The following TECPR2 variants were observed in gnomAD, a reference collection of about 807,000 sequenced individuals.
TECPR2 encodes tectonin beta-propeller repeat containing 2.
A neutral mutation model predicts 138.1 loss-of-function variants in TECPR2; 65 were observed. The observed-to-expected ratio is 0.47, with a 90% confidence interval of 0.39 to 0.58. The LOEUF is 0.58. Ranked by LOEUF, TECPR2 falls within the 20% of genes least tolerant of loss-of-function variation. The pLI, the probability that TECPR2 is intolerant of heterozygous loss-of-function variation, is 0.00. For synonymous variants in TECPR2, 746 were observed against 749.8 expected, an observed-to-expected ratio of 0.99 and a Z score of 0.08; for missense variants, 1,553 against 1,824.5, an observed-to-expected ratio of 0.85 and a Z score of 2.71.
intron 14 of TECPR2, among the ~76,000 whole-genome samples, chr14:102,450,147 A>G (rs1029715918): frequency 2.0e-5 from 3 of 152,172 alleles, no homozygotes; most frequent in Non-Finnish European, 4.4e-5. Context: ...TATGTTAACA[A>G]TTTCACATTT....
At chr14:102,386,086 T>G (rs1187784286) in intron 2 of TECPR2, among the ~76,000 whole-genome samples, 1 of 152,172 alleles carries the variant, frequency 6.6e-6, no homozygotes, top group African/African-American at 2.4e-5. Flanking sequence ...CCATACTTGG[T>G]AGCCCTGAGT....
intron 17 of TECPR2, among the ~76,000 whole-genome samples, chr14:102,470,084 C>G (rs1890625046): frequency 6.6e-6 from 1 of 152,086 alleles, no homozygotes; most frequent in South Asian, 2.1e-4. Context: ...GATTTGGTAT[C>G]AAGGTAATGC....
chr14:102,434,205 C>G (rs756841022), intron 8 of TECPR2, 30 bp from the exon 9 acceptor site: 1 of 1,343,858 alleles, frequency 7.4e-7, no homozygotes, highest in African/African-American at 1.5e-5. Context: ...AGAACCGTGC[C>G]TTATTTTGAA....
chr14:102,393,056 A>G (rs898588105), intron 2 of TECPR2, among the ~76,000 whole-genome samples: 6 of 152,118 alleles, frequency 3.9e-5, no homozygotes, highest in African/African-American at 1.4e-4. Flanking sequence ...TTGGCAGAGA[A>G]TATCAGCTCC....
chr14:102,497,784 C>CG, intron 19 of TECPR2, 65 bp downstream of exon 19: 2 of 1,486,604 alleles, frequency 1.3e-6, no homozygotes, highest in Non-Finnish European at 1.8e-6. Flanking sequence ...TGGACGATGT[C>CG]GGGGGGCTCT....
chr14:102,392,336 C>G, intron 2 of TECPR2, among the ~76,000 whole-genome samples: 1 of 152,128 alleles, frequency 6.6e-6, no homozygotes, highest in South Asian at 2.1e-4. Flanking sequence ...GTTCTCTCTT[C>G]TATGTCTCTA....
At chr14:102,386,150 G>A (rs950655085) in intron 2 of TECPR2, among the ~76,000 whole-genome samples, 4 of 151,934 alleles carry the variant, frequency 2.6e-5, no homozygotes, top group Admixed American at 6.6e-5. Flanking sequence ...ACTTATAATT[G>A]TGGAGAATCA....
chr14:102,431,932 G>A lies in TECPR2; in HGVS notation c.1221G>A (p.Arg407=). 6.2e-7 allele frequency: 1 copy of A among 1,612,428 alleles called. No individual in the cohort carries two copies. The highest frequency in any genetic ancestry group is 8.5e-7 in the Non-Finnish European group (1 of 1,179,002). ...CCAGCTCCGTGGCCAGCGAGCCAAGGAGCAGGAGCAGCTCGCTCAACTCCA... is the reference window on the plus strand; with the variant it reads ...CCAGCTCCGTGGCCAGCGAGCCAAGAAGCAGGAGCAGCTCGCTCAACTCCA... The part of the protein sequence containing the change: ...SMASSVASEP[R]SRSSSLNSTD... The change falls in exon 8 of 20, where the codon AGG becomes AGA. Residue 407 remains arginine, a synonymous_variant. Coordinates refer to ENST00000359520, the MANE Select transcript of TECPR2 (RefSeq NM_014844.5).
Position 102,498,680 on chromosome 14 carries a change from G to A in TECPR2, c.*423G>A, listed in dbSNP as rs1003842138. On this transcript the variant is annotated 3_prime_UTR_variant, in exon 20 of 20. Coordinates refer to ENST00000359520, the MANE Select transcript of TECPR2 (RefSeq NM_014844.5). ...AGCCCCAGGGCCAGATGGAGCCAAA[G>A]GTCAGCTCTCTGCAGCGCGGGATGT... is the stretch of plus-strand genomic sequence containing the variant. The A allele has an allele frequency of 2.4e-4, 99 of 405,392 alleles. 1 individual carries two copies. In the Middle Eastern group the frequency reaches 3.4e-3, roughly 14 times the overall value. 25.1% of individuals were successfully genotyped at this position (405,392 alleles called of 1,614,324 possible).
chr14:102,413,323 T>C (rs1312773870), intron 4 of TECPR2, among the ~76,000 whole-genome samples: 5 of 151,084 alleles, frequency 3.3e-5, no homozygotes, highest in African/African-American at 1.2e-4. Context: ...ACTTTTCATA[T>C]ATATATTGGA....
At chr14:102,446,932 A>G (rs1889997502) in intron 13 of TECPR2, among the ~76,000 whole-genome samples, 1 of 152,204 alleles carries the variant, frequency 6.6e-6, no homozygotes, top group African/African-American at 2.4e-5. Flanking sequence ...CTGAGAAAAG[A>G]GCCCAGATAA....
At position 102,441,457 on chromosome 14, in the gene TECPR2, AC is replaced by A. The variant is rs753715187; in HGVS notation, c.2752+850del. Among the ~76,000 whole-genome samples the A allele has an allele frequency of 2.7e-5, 4 of 149,440 alleles. No individual in the cohort carries two copies. The East Asian group carries it at 8.2e-4, about 30-fold the overall frequency. ...TTTGGGAGGCCTAGACGAGCAGATC[AC>A]CTGAGGTCAGGAGTTCAAGACCAAC... On this transcript the variant is annotated intron_variant, in intron 11 of 19. Coordinates refer to ENST00000359520, the MANE Select transcript of TECPR2 (RefSeq NM_014844.5).
intron 5 of TECPR2, among the ~76,000 whole-genome samples, chr14:102,424,259 G>T (rs555949522): frequency 6.6e-6 from 1 of 152,178 alleles, no homozygotes; most frequent in Non-Finnish European, 1.5e-5. Flanking sequence ...CATAGAAAAG[G>T]TACCATAAAA....
At chr14:102,363,522 A>G (rs1276618110) in intron 1 of TECPR2, among the ~76,000 whole-genome samples, 1 of 150,558 alleles carries the variant, frequency 6.6e-6, no homozygotes. Flanking sequence ...CGTCCCTTAC[A>G]TCCGCCCACC....
In TECPR2 at chr14:102,414,862, CTTAGG is replaced by C. The variant is rs1209128631; in HGVS notation, c.638+71_638+75del. ...TGTTGTAGAAGGTGCTTTAGGGTTT[CTTAGG>C]TCTCCTGTTTGCCGGAGACCTCCTG... On this transcript the variant is annotated intron_variant, in intron 5 of 19. Transcript: ENST00000359520. 2.6e-6 allele frequency: 4 copies of C among 1,566,300 alleles called. No individual in the cohort carries two copies. In the African/African-American group the frequency reaches 5.5e-5, roughly 21 times the overall value.
intron 1 of TECPR2, among the ~76,000 whole-genome samples, chr14:102,369,505 C>CA (rs1181965183): frequency 6.6e-6 from 1 of 152,086 alleles, no homozygotes; most frequent in Non-Finnish European, 1.5e-5. Context: ...CCTCCAGGTT[C>CA]AGTCGATCCT....
intron 9 of TECPR2, among the ~76,000 whole-genome samples, chr14:102,435,846 T>A (rs902824177): frequency 7.2e-5 from 11 of 152,238 alleles, no homozygotes; most frequent in Non-Finnish European, 7.3e-5. Context: ...GTGATTTTTT[T>A]AAAAGTGCCT....
intron 2 of TECPR2, among the ~76,000 whole-genome samples, chr14:102,389,270 G>A (rs536415313): frequency 9.2e-5 from 14 of 152,292 alleles, no homozygotes; most frequent in South Asian, 4.1e-4. Context: ...AGGTTGCAGT[G>A]AGCCGAGATT....
At chr14:102,450,713 C>G (rs1890117373) in intron 15 of TECPR2, 64 bp downstream of exon 15, 2 of 1,532,580 alleles carry the variant, frequency 1.3e-6, no homozygotes, top group African/African-American at 2.7e-5. Context: ...AAGGTTCAAA[C>G]CACAGTCGGA....
Sources: gnomAD v4.1 joint callset for allele counts (sites outside exome capture counted in the v4.1 genomes callset) on GRCh38, gnomAD v4.1.1 for gene constraint, MANE v1.5 for transcripts, NCBI Gene and HGNC (gene_info 2026-07-23, HGNC 2026-07-21) for gene names.